The following KNDC1 variants were observed in gnomAD, a reference collection of about 807,000 sequenced individuals.
The protein encoded by KNDC1 is kinase non-catalytic C-lobe domain-containing protein 1.
In KNDC1, 106 loss-of-function variants were observed where a neutral mutation model predicts 172.8. The ratio of observed to expected loss-of-function variants is 0.61; its 90% CI spans 0.52 to 0.72. The LOEUF (loss-of-function observed/expected upper bound fraction) is 0.72. Among genes scored for constraint, KNDC1 ranks in the 30% least tolerant of loss-of-function variants. The pLI is 0.00. For synonymous variants in KNDC1, 1,083 were observed against 1,062.2 expected (o/e 1.02, Z -0.38); for missense variants, 2,325 against 2,394.5 (o/e 0.97, Z 0.61).
Position 133,163,386 on chromosome 10 carries a change from G to A in KNDC1, c.102+2817G>A, listed in dbSNP as rs577486172. 6.6e-6 allele frequency among the ~76,000 whole-genome samples: 1 copy of A among 152,304 alleles called. No individual in the cohort carries two copies. The highest frequency in any genetic ancestry group is 1.9e-4 in the East Asian group (1 of 5,176). On this transcript the variant is annotated intron_variant, in intron 1 of 29. Transcript: ENST00000304613. This position sits in a 1 kb window ranked among gnomAD's most constrained non-coding sequence, Gnocchi z 4.4. ...GGACAGGATGCAGTTGCTCCCTGGA[G>A]GGGCACACAGCTGGGGGCTCCCAGT...
At position 133,224,406 on chromosome 10, in the gene KNDC1, C is replaced by A. The variant is rs2998116; in HGVS notation, c.5019-253C>A. Among the ~76,000 whole-genome samples, 1 of 151,850 alleles carries A rather than the reference C, an allele frequency of 6.6e-6. No individual in the cohort carries two copies. The highest frequency in any genetic ancestry group is 1.5e-5 in the Non-Finnish European group (1 of 67,964). ...CTCTTCTTGGGACGCTCAGCAGGGA[C>A]GAGCCTGAGCCTGCAGGGTTTCCAT... On this transcript the variant is annotated intron_variant, in intron 29 of 29. Transcript: ENST00000304613. This position sits in a 1 kb window ranked among gnomAD's most constrained non-coding sequence, Gnocchi z 5.4.
chr10:133,178,092 G>A (rs924239088), intron 3 of KNDC1, among the ~76,000 whole-genome samples: 1 of 150,510 alleles, frequency 6.6e-6, no homozygotes, highest in African/African-American at 2.4e-5. Flanking sequence ...TTTGGTGTGT[G>A]TGCAGTGTGT....
intron 26 of KNDC1, among the ~76,000 whole-genome samples, chr10:133,216,855 G>A (rs1845476547): frequency 6.6e-6 from 1 of 152,244 alleles, no homozygotes; most frequent in African/African-American, 2.4e-5. Flanking sequence ...AGCCTTAACA[G>A]GAGGGAAATT....
rs746097373 is a variant in KNDC1 at position 133,209,100 on chromosome 10, G to A, written c.3795-1511G>A. Among the ~76,000 whole-genome samples the A allele has an allele frequency of 2.0e-5, 3 of 151,206 alleles. No individual in the cohort carries two copies. The highest frequency in any genetic ancestry group is 2.9e-5 in the Non-Finnish European group (2 of 67,804). ...GGTGATGTGTGGCTTGCGTGCCCAT[G>A]TATGGTGTGTGATGTGGAGTATTGT... On this transcript the variant is annotated intron_variant, in intron 20 of 29. Coordinates refer to ENST00000304613, the MANE Select transcript of KNDC1 (RefSeq NM_152643.8). This position sits in a 1 kb window ranked among gnomAD's most constrained non-coding sequence, Gnocchi z 4.9.
intron 3 of KNDC1, 139 bp downstream of exon 3, chr10:133,168,451 T>A: frequency 1.2e-6 from 1 of 845,390 alleles, no homozygotes; most frequent in South Asian, 1.5e-5. Context: ...TGCTGCCCGG[T>A]TCACTGGGCT....
chr10:133,170,418 C>T (rs1853340460), intron 3 of KNDC1, among the ~76,000 whole-genome samples: 1 of 152,082 alleles, frequency 6.6e-6, no homozygotes, highest in Non-Finnish European at 1.5e-5. Context: ...AGGACACAGG[C>T]GTGGCAGGGG....
intron 12 of KNDC1, 124 bp from the exon 13 acceptor site, chr10:133,198,213 C>G: frequency 8.6e-7 from 1 of 1,161,670 alleles, no homozygotes; most frequent in African/African-American, 1.5e-5. Context: ...GCCCCCAGGG[C>G]CATGCGGGAG....
At chr10:133,190,221 G>A (rs568747901) in intron 9 of KNDC1, among the ~76,000 whole-genome samples, 5 of 152,158 alleles carry the variant, frequency 3.3e-5, no homozygotes, top group Admixed American at 2.0e-4. Flanking sequence ...TCCTCCCACC[G>A]AGGAAGAGCA....
chr10:133,179,702 G>A (rs566167978), intron 3 of KNDC1, among the ~76,000 whole-genome samples: 2 of 152,344 alleles, frequency 1.3e-5, no homozygotes, highest in East Asian at 1.9e-4. Flanking sequence ...CACTCGAGGC[G>A]AGAGCTACCG....
chr10:133,215,523 A>G (rs539740690), intron 26 of KNDC1, among the ~76,000 whole-genome samples: 23 of 152,402 alleles, frequency 1.5e-4, no homozygotes, highest in African/African-American at 5.0e-4. Context: ...CTCTTTCCTC[A>G]GATCCATGGT....
At chr10:133,169,654 TGACGCGGCACGTGGCCTGGTGGCCGG>T (rs933498981) in intron 3 of KNDC1, among the ~76,000 whole-genome samples, 3 of 152,122 alleles carry the variant, frequency 2.0e-5, no homozygotes, top group Non-Finnish European at 2.9e-5. Context: ...CTGGTGGCCG[TGACGCGGCACGTGGCCTGGTGGCCGG>T]GACATGGTGT....
chr10:133,203,110 G>A (rs530993640), intron 17 of KNDC1, among the ~76,000 whole-genome samples: 1 of 88,138 alleles, frequency 1.1e-5, no homozygotes, highest in South Asian at 2.7e-4. Context: ...AACGCACGGC[G>A]TCCAGCGGGG....
In KNDC1 at chr10:133,200,464, AGTGCTGGGCG is replaced by A; in HGVS notation, c.2989+6_2989+15del. 6.4e-7 allele frequency: 1 copy of A among 1,550,654 alleles called. No individual in the cohort carries two copies. Among genetic ancestry groups the A allele is most frequent in the Non-Finnish European group, 8.7e-7 (1 of 1,150,356 alleles). On this transcript the variant is annotated splice_donor_5th_base_variant and intron_variant, in intron 16 of 29. Coordinates refer to ENST00000304613, the MANE Select transcript of KNDC1 (RefSeq NM_152643.8). The stretch of plus-strand genomic sequence containing the variant: ...AGGCCGTCGCTGCACCGCCTGGGTA[AGTGCTGGGCG>A]GGCCCCGCGGCAGGAGCTCTGCTGG...
chr10:133,189,234 G>A (rs1413842757), intron 7 of KNDC1, among the ~76,000 whole-genome samples: 2 of 152,188 alleles, frequency 1.3e-5, no homozygotes, highest in Admixed American at 6.5e-5. Context: ...CCCGGCTCCA[G>A]TGTCCGTCCA....
intron 15 of KNDC1, 152 bp downstream of exon 15, chr10:133,199,754 G>A: frequency 1.1e-6 from 1 of 872,984 alleles, no homozygotes; most frequent in South Asian, 1.7e-5. Flanking sequence ...GTGGAGATGG[G>A]TGGGGGTCCC....
intron 6 of KNDC1, among the ~76,000 whole-genome samples, chr10:133,187,956 C>T (rs1412690003): frequency 7.8e-6 from 1 of 127,768 alleles, no homozygotes; most frequent in Non-Finnish European, 1.5e-5. Flanking sequence ...TCCCACCCTT[C>T]CCCTCCATGA....
At chr10:133,168,479 G>C (rs1853258163) in intron 3 of KNDC1, among the ~76,000 whole-genome samples, 167 bp downstream of exon 3, 1 of 152,094 alleles carries the variant, frequency 6.6e-6, no homozygotes, top group Non-Finnish European at 1.5e-5. Flanking sequence ...CGGCCTCTGG[G>C]GCACACCCGG....
chr10:133,205,161 C>T (rs1845152041), intron 17 of KNDC1, among the ~76,000 whole-genome samples: 1 of 152,214 alleles, frequency 6.6e-6, no homozygotes, highest in African/African-American at 2.4e-5. Context: ...GGGCGCCCCT[C>T]CTCCAGCCTC....
At chr10:133,200,219 G>A (rs576626445) in intron 15 of KNDC1, among the ~76,000 whole-genome samples, 156 bp from the exon 16 acceptor site, 5 of 152,272 alleles carry the variant, frequency 3.3e-5, no homozygotes, top group South Asian at 2.1e-4. Context: ...GGATCCCGTC[G>A]GCTGCTGTGC....
Sources: gnomAD v4.1 joint callset for allele counts (sites outside exome capture counted in the v4.1 genomes callset) on GRCh38, gnomAD v4.1.1 for gene constraint, Gnocchi (gnomAD v3.1) non-coding constraint, MANE v1.5 for transcripts, NCBI Gene and HGNC (gene_info 2026-07-23, HGNC 2026-07-21) for gene names.